The following TSGA10 variants were observed in gnomAD, a reference collection of about 807,000 sequenced individuals.
TSGA10 encodes the protein testis-specific gene 10 protein.
Under a neutral mutation model 96.6 loss-of-function variants are expected in TSGA10, and 43 were observed. That is an observed-to-expected ratio of 0.44 (90% confidence interval 0.35 to 0.57). TSGA10 has a LOEUF of 0.57. TSGA10 is among the 20% of genes least tolerant of loss of function. The pLI, the probability that TSGA10 is intolerant of heterozygous loss-of-function variation, is 0.01. For missense variants in TSGA10, 703 were observed against 834.4 expected, an observed-to-expected ratio of 0.84 and a Z score of 1.94; for synonymous variants, 229 against 269.9, an observed-to-expected ratio of 0.85 and a Z score of 1.48.
At chr2:99,056,790 C>T (rs1323907625) in intron 16 of TSGA10, among the ~76,000 whole-genome samples, 2 of 142,998 alleles carry the variant, frequency 1.4e-5, no homozygotes, top group South Asian at 2.2e-4. Flanking sequence ...AAATTACAGA[C>T]GCTCCTAGAA....
chr2:99,049,149 A>G (rs2083121054), intron 16 of TSGA10, among the ~76,000 whole-genome samples: 1 of 152,224 alleles, frequency 6.6e-6, no homozygotes, highest in Non-Finnish European at 1.5e-5. Context: ...AAATTAGTTT[A>G]ACCATTGTGG....
At chr2:99,114,703 A>T (rs1419810551) in intron 4 of TSGA10, among the ~76,000 whole-genome samples, 1 of 152,156 alleles carries the variant, frequency 6.6e-6, no homozygotes, top group Non-Finnish European at 1.5e-5. Context: ...GATGTTTTCC[A>T]TTCCAAAAAT....
chr2:99,121,413 C>T (rs955873809), intron 2 of TSGA10, among the ~76,000 whole-genome samples: 4 of 350 alleles, frequency 0.011, no homozygotes, highest in African/African-American at 0.027. Flanking sequence ...TTTACAGAGG[C>T]TGAACATCTT....
chr2:99,004,096 T>A (rs962089069), intron 20 of TSGA10, among the ~76,000 whole-genome samples: 1 of 151,924 alleles, frequency 6.6e-6, no homozygotes, highest in Non-Finnish European at 1.5e-5. Context: ...ATAGATGCAA[T>A]AAAAAATGAT....
intron 10 of TSGA10, 62 bp from the exon 11 acceptor site, chr2:99,081,459 T>C: frequency 1.2e-6 from 1 of 837,396 alleles, no homozygotes; most frequent in Non-Finnish European, 1.8e-6. Context: ...TTGTAGTGTG[T>C]TTAAATCTAA....
At chr2:99,022,573 A>G (rs1283323425) in intron 17 of TSGA10, among the ~76,000 whole-genome samples, 5 of 152,172 alleles carry the variant, frequency 3.3e-5, no homozygotes, top group Non-Finnish European at 7.3e-5. Flanking sequence ...TTGCATAGAT[A>G]AACCACAGCT....
intron 2 of TSGA10, among the ~76,000 whole-genome samples, chr2:99,120,823 T>C (rs2092531983): frequency 1.3e-5 from 2 of 152,312 alleles, no homozygotes; most frequent in South Asian, 2.1e-4. Context: ...ACCATTCTTC[T>C]GCTGCCCCTT....
In TSGA10 at chr2:98,997,400, T is replaced by C. The variant is rs569115715; in HGVS notation, c.*797A>G. 5 of 152,018 alleles carry C rather than the reference T, an allele frequency of 3.3e-5. No homozygotes were observed. In the South Asian group the frequency reaches 8.3e-4, roughly 25 times the overall value. The allele number at this position is 152,018 out of a possible 1,614,324, so 9.4% of individuals were successfully genotyped here. ...TAGATAAGGTAAGAGATTTAGGAAA[T>C]TGGGGGAGGAAGGAAACATCACTTA... is the stretch of plus-strand genomic sequence containing the variant. On this transcript the variant is annotated 3_prime_UTR_variant, in exon 21 of 21. Coordinates refer to ENST00000393483, the MANE Select transcript of TSGA10 (RefSeq NM_025244.4).
chr2:99,146,874 A>T (rs1347570258), intron 1 of TSGA10, among the ~76,000 whole-genome samples: 1 of 152,020 alleles, frequency 6.6e-6, no homozygotes, highest in African/African-American at 2.4e-5. Flanking sequence ...TGATCCGCCC[A>T]CCTCAGCCTC....
chr2:99,132,762 T>C (rs1039688912), intron 1 of TSGA10, among the ~76,000 whole-genome samples: 1 of 152,218 alleles, frequency 6.6e-6, no homozygotes, highest in African/African-American at 2.4e-5. Flanking sequence ...TAAATTTCCC[T>C]CTACACACTG....
At chr2:98,998,250 T>G in intron 20 of TSGA10, 29 bp from the exon 21 acceptor site, 1 of 1,571,530 alleles carries the variant, frequency 6.4e-7, no homozygotes, top group Non-Finnish European at 8.6e-7. Flanking sequence ...TGCTGATTAA[T>G]ATTTTTAATT....
chr2:99,000,204 T>C (rs1323846721), intron 20 of TSGA10, among the ~76,000 whole-genome samples: 1 of 151,806 alleles, frequency 6.6e-6, no homozygotes, highest in Non-Finnish European at 1.5e-5. Context: ...AAACCCTGTC[T>C]CTACTAAAAA....
intron 2 of TSGA10, among the ~76,000 whole-genome samples, chr2:99,122,967 T>A (rs1409571080): frequency 6.6e-6 from 1 of 152,196 alleles, no homozygotes; most frequent in East Asian, 1.9e-4. Context: ...TATCTTAATT[T>A]TTCTTTATCT....
intron 12 of TSGA10, among the ~76,000 whole-genome samples, chr2:99,074,932 T>TGG (rs1160886681): frequency 6.6e-6 from 1 of 151,246 alleles, no homozygotes; most frequent in Non-Finnish European, 1.5e-5. Context: ...CACTCCAACC[T>TGG]GGGTGACAGA....
Position 99,025,980 on chromosome 2 carries a change from A to G in TSGA10, c.1615-5498T>C, listed in dbSNP as rs112415540. 6.8e-3 allele frequency among the ~76,000 whole-genome samples: 1,032 copies of G among 152,316 alleles called. 15 individuals carry two copies. Among genetic ancestry groups the G allele is most frequent in the African/African-American group, 0.024 (997 of 41,580 alleles). On this transcript the variant is annotated intron_variant, in intron 17 of 20. Coordinates refer to ENST00000393483, the MANE Select transcript of TSGA10 (RefSeq NM_025244.4). The stretch of plus-strand genomic sequence containing the variant: ...TTTTGCATAAGTTCAATCCTTTTAA[A>G]TCTATTGAGGCTTATATTATGGCCT...
intron 16 of TSGA10, among the ~76,000 whole-genome samples, chr2:99,037,556 A>G (rs947126910): frequency 6.6e-6 from 1 of 152,206 alleles, no homozygotes; most frequent in Non-Finnish European, 1.5e-5. Context: ...AATATCTAAA[A>G]TCAATAACCT....
At chr2:99,152,414 T>C (rs2093702355) in intron 1 of TSGA10, among the ~76,000 whole-genome samples, 1 of 152,162 alleles carries the variant, frequency 6.6e-6, no homozygotes, top group Admixed American at 6.5e-5. Flanking sequence ...AGCCTCCTAG[T>C]AGCTAGGATT....
At position 99,110,205 on chromosome 2, in the gene TSGA10, T is replaced by C. The variant is rs190654650; in HGVS notation, c.-74+645A>G. Among the ~76,000 whole-genome samples, 26 of 152,308 alleles carry C rather than the reference T, an allele frequency of 1.7e-4. No homozygotes were observed. In the East Asian group the frequency reaches 4.0e-3, roughly 24 times the overall value. ...CATGCTACTACTAAAGCAACTGTTA[T>C]AGCATCTAAGTTTTGTCCAATATTG... On this transcript the variant is annotated intron_variant, in intron 5 of 20. Coordinates refer to ENST00000393483, the MANE Select transcript of TSGA10 (RefSeq NM_025244.4).
At chr2:99,140,712 C>T (rs570716457) in intron 1 of TSGA10, among the ~76,000 whole-genome samples, 1 of 152,278 alleles carries the variant, frequency 6.6e-6, no homozygotes, top group East Asian at 1.9e-4. Flanking sequence ...AATGAGCGAT[C>T]GGGAGTCAGG....
Sources: allele counts gnomAD v4.1 joint callset (sites outside exome capture counted in the v4.1 genomes callset), GRCh38; gene constraint gnomAD v4.1.1; transcripts MANE v1.5; gene names NCBI Gene and HGNC (gene_info 2026-07-23, HGNC 2026-07-21).